TUSC3: variants seen among roughly 807,000 people sequenced by gnomAD.
TUSC3 encodes tumor suppressor candidate 3, also known as dolichyl-diphosphooligosaccharide--protein glycosyltransferase subunit TUSC3.
Under a neutral mutation model 44.8 loss-of-function variants are expected in TUSC3, and 45 were observed. The observed-to-expected ratio is 1.00, with a 90% confidence interval of 0.79 to 1.29. The LOEUF (loss-of-function observed/expected upper bound fraction) is 1.29. Among genes scored for constraint, TUSC3 ranks in the 50% most tolerant of loss-of-function variants. TUSC3 has a pLI of 0.00. For synonymous variants in TUSC3, 212 were observed against 152.9 expected, an observed-to-expected ratio of 1.39 and a Z score of -2.85; for missense variants, 519 against 437.9, an observed-to-expected ratio of 1.19 and a Z score of -1.65.
chr8:15,422,469 A>T (rs1785144128), intron 1 of TUSC3, among the ~76,000 whole-genome samples: 2 of 152,146 alleles, frequency 1.3e-5, no homozygotes, highest in Non-Finnish European at 2.9e-5. Context: ...AAAGGATGCA[A>T]AATATTAGTT....
chr8:15,430,000 A>G (rs1156822693), intron 1 of TUSC3, among the ~76,000 whole-genome samples: 1 of 151,498 alleles, frequency 6.6e-6, no homozygotes, highest in Non-Finnish European at 1.5e-5. Flanking sequence ...CCACCAACCA[A>G]AAAAAATCCA....
the TUSC3 span, among the ~76,000 whole-genome samples, chr8:15,803,642 C>T: frequency 1.6e-4 from 25 of 152,250 alleles, no homozygotes; most frequent in Non-Finnish European, 3.1e-4. Flanking sequence ...TTTGCTGTAC[C>T]TATCAACCTG....
chr8:15,543,934 GTA>G (rs143861861), intron 1 of TUSC3, among the ~76,000 whole-genome samples: 1 of 141,764 alleles, frequency 7.1e-6, no homozygotes, highest in South Asian at 2.2e-4. Flanking sequence ...GTGTGTGTGT[GTA>G]TGTATTATGT....
intron 1 of TUSC3, among the ~76,000 whole-genome samples, chr8:15,458,599 C>A (rs114466772): frequency 4.5e-4 from 68 of 152,164 alleles, no homozygotes; most frequent in African/African-American, 1.6e-3. Flanking sequence ...TATGGACCAA[C>A]GATGAATGTG....
chr8:15,567,323 C>T (rs1802713468), intron 1 of TUSC3, among the ~76,000 whole-genome samples: 1 of 152,146 alleles, frequency 6.6e-6, no homozygotes, highest in Non-Finnish European at 1.5e-5. Context: ...AGCCACCAAA[C>T]ATTAATCACT....
chr8:15,476,042 C>T (rs1422612237), intron 1 of TUSC3, among the ~76,000 whole-genome samples: 1 of 152,106 alleles, frequency 6.6e-6, no homozygotes, highest in Non-Finnish European at 1.5e-5. Context: ...TAAAATTATT[C>T]CTTGTTTGCT....
chr8:15,559,546 C>G (rs1802380915), intron 1 of TUSC3, among the ~76,000 whole-genome samples: 1 of 141,446 alleles, frequency 7.1e-6, no homozygotes, highest in African/African-American at 2.6e-5. Context: ...GAGTTCTATT[C>G]CTGGGTATCC....
chr8:15,582,672 G>T (rs1007682970), intron 1 of TUSC3, among the ~76,000 whole-genome samples: 1 of 152,280 alleles, frequency 6.6e-6, no homozygotes, highest in South Asian at 2.1e-4. Flanking sequence ...ACATGACATT[G>T]CTCTGAGAAT....
intron 1 of TUSC3, among the ~76,000 whole-genome samples, chr8:15,478,134 T>C (rs1484397647): frequency 3.9e-5 from 6 of 152,006 alleles, no homozygotes; most frequent in African/African-American, 1.4e-4. Context: ...CTTTTGTATT[T>C]TTAGTAGAGA....
At chr8:15,475,986 G>A (rs1800569653) in intron 1 of TUSC3, among the ~76,000 whole-genome samples, 2 of 151,968 alleles carry the variant, frequency 1.3e-5, no homozygotes, top group South Asian at 2.1e-4. Flanking sequence ...ACATAATGAG[G>A]GTCTTCTTTT....
intron 1 of TUSC3, among the ~76,000 whole-genome samples, chr8:15,464,315 T>C (rs1040311125): frequency 1.3e-5 from 2 of 152,198 alleles, no homozygotes; most frequent in African/African-American, 2.4e-5. Flanking sequence ...CCTGAGCACT[T>C]GATAATTCAG....
At chr8:15,684,551 T>A (rs988327241) in intron 6 of TUSC3, among the ~76,000 whole-genome samples, 2 of 152,134 alleles carry the variant, frequency 1.3e-5, no homozygotes, top group African/African-American at 4.8e-5. Context: ...TTCTAGGCAT[T>A]TGATGCCTTG....
At chr8:15,762,473 G>T (rs908545283) in intron 10 of TUSC3, among the ~76,000 whole-genome samples, 1 of 151,976 alleles carries the variant, frequency 6.6e-6, no homozygotes, top group Non-Finnish European at 1.5e-5. Context: ...ATATACCTAA[G>T]TATCATAAAA....
the TUSC3 span, among the ~76,000 whole-genome samples, chr8:15,805,250 C>A: frequency 6.6e-6 from 1 of 152,024 alleles, no homozygotes; most frequent in Non-Finnish European, 1.5e-5. Context: ...TTAGGGTTTT[C>A]TAGGTATATA....
chr8:15,597,933 A>G (rs555692951), intron 1 of TUSC3, among the ~76,000 whole-genome samples: 63 of 152,188 alleles, frequency 4.1e-4, no homozygotes, highest in Non-Finnish European at 6.9e-4. Flanking sequence ...ATGTTTATTG[A>G]TCAGCATTTA....
chr8:15,740,430 C>T (rs352756), intron 7 of TUSC3, among the ~76,000 whole-genome samples: 134,749 of 151,922 alleles, frequency 0.89, 59,921 homozygotes, highest in East Asian at 0.97. Context: ...AGAATCTGAA[C>T]GCAATACTTC....
chr8:15,821,722 GC>G, the TUSC3 span, among the ~76,000 whole-genome samples: 1 of 151,774 alleles, frequency 6.6e-6, no homozygotes, highest in East Asian at 1.9e-4. Flanking sequence ...TTCACAATCT[GC>G]CCCCTTTTAT....
chr8:15,459,765 C>G (rs1309381814), intron 1 of TUSC3, among the ~76,000 whole-genome samples: 1 of 152,064 alleles, frequency 6.6e-6, no homozygotes, highest in African/African-American at 2.4e-5. Context: ...ATAATAATCT[C>G]CAATCTCATC....
At chr8:15,846,273 C>T in the TUSC3 span, among the ~76,000 whole-genome samples, 1 of 152,158 alleles carries the variant, frequency 6.6e-6, no homozygotes, top group Non-Finnish European at 1.5e-5. Flanking sequence ...ACATATTCAA[C>T]ACAAGTTCAC....
Sources: gnomAD v4.1 joint callset for allele counts (sites outside exome capture counted in the v4.1 genomes callset) on GRCh38, gnomAD v4.1.1 for gene constraint, MANE v1.5 for transcripts, NCBI Gene and HGNC (gene_info 2026-07-23, HGNC 2026-07-21) for gene names.